PCDHGA6: variants seen among roughly 807,000 people sequenced by gnomAD.
The protein encoded by PCDHGA6 is protocadherin gamma subfamily A, 6, also known as protocadherin gamma-A6.
A neutral mutation model predicts 60.6 loss-of-function variants in PCDHGA6; 41 were observed. The observed-to-expected ratio is 0.68, with a 90% confidence interval of 0.53 to 0.88. PCDHGA6 has a LOEUF of 0.88. Among genes scored for constraint, PCDHGA6 ranks in the 40% least tolerant of loss-of-function variants. The pLI is 0.00. For missense variants in PCDHGA6, 1,312 were observed against 1,203.0 expected (o/e 1.09, Z -1.34); for synonymous variants, 594 against 524.4 (o/e 1.13, Z -1.81).
rs374663576 is a variant in PCDHGA6, at chr5:141,489,905, G to T, written c.2425-4902G>T. On this transcript the variant is annotated intron_variant, in intron 1 of 3. Coordinates refer to ENST00000517434, the MANE Select transcript of PCDHGA6 (RefSeq NM_018919.3). The surrounding 1 kb of genome is among the most constrained non-coding windows in gnomAD (Gnocchi z 4.5). ...GCTGTGGATGGGGGGACCCCAGCCC[G>T]CTCAGGGACCACCCTTATCTCTGTC... The T allele has an allele frequency of 9.7e-5, 156 of 1,614,226 alleles. 3 individuals are homozygous for T. The South Asian group carries it at 1.6e-3, about 16-fold the overall frequency.
intron 3 of PCDHGA6, among the ~76,000 whole-genome samples, chr5:141,509,907 C>T (rs149338646): frequency 3.3e-5 from 5 of 152,182 alleles, no homozygotes; most frequent in South Asian, 2.1e-4. Context: ...TTCCAGCATG[C>T]GCTTAGGTAC....
At chr5:141,448,415 T>C (rs1286455437) in intron 1 of PCDHGA6, among the ~76,000 whole-genome samples, 2 of 152,158 alleles carry the variant, frequency 1.3e-5, no homozygotes, top group African/African-American at 2.4e-5. Context: ...ATCAAAACAA[T>C]ATACTATGTA....
intron 1 of PCDHGA6, chr5:141,403,850 G>T: frequency 6.2e-7 from 1 of 1,613,634 alleles, no homozygotes; most frequent in Non-Finnish European, 8.5e-7. Context: ...AAATACTGGG[G>T]AAATATCAAC....
At chr5:141,388,574 T>A (rs372294800) in intron 1 of PCDHGA6, 107 of 1,613,842 alleles carry the variant, frequency 6.6e-5, no homozygotes, top group Middle Eastern at 1.6e-4. Context: ...AGATACACGT[T>A]CTAGTGACTG....
chr5:141,464,483 C>G (rs192469583), intron 1 of PCDHGA6, among the ~76,000 whole-genome samples: 32 of 151,368 alleles, frequency 2.1e-4, no homozygotes, highest in African/African-American at 7.3e-4. Flanking sequence ...ATAATAAATT[C>G]CTAATAGTGT....
At chr5:141,408,396 A>G (rs764101918) in intron 1 of PCDHGA6, 18 of 1,614,020 alleles carry the variant, frequency 1.1e-5, no homozygotes, top group South Asian at 5.5e-5. Flanking sequence ...TCGGCTCGCA[A>G]GCTGCGAGTG....
chr5:141,414,348 G>A (rs1390188717), intron 1 of PCDHGA6: 1 of 1,613,818 alleles, frequency 6.2e-7, no homozygotes, highest in South Asian at 1.1e-5. Flanking sequence ...GTTCCATTTT[G>A]GCGTATCTAC....
intron 1 of PCDHGA6, chr5:141,423,620 C>T: frequency 6.2e-7 from 1 of 1,608,268 alleles, no homozygotes; most frequent in Middle Eastern, 1.7e-4. Context: ...GCTGAAGACT[C>T]AGCTATCATT....
intron 1 of PCDHGA6, chr5:141,383,490 G>A: frequency 6.2e-7 from 1 of 1,613,286 alleles, no homozygotes; most frequent in South Asian, 1.1e-5. Flanking sequence ...TGGTGCTGGA[G>A]CGGGTGCTGG....
chr5:141,403,189 G>A (rs1234686339), intron 1 of PCDHGA6: 2 of 1,613,860 alleles, frequency 1.2e-6, no homozygotes, highest in South Asian at 1.1e-5. Flanking sequence ...CTCTGAACCC[G>A]CGCAGCGGCA....
Position 141,375,346 on chromosome 5 carries a change from T to C in PCDHGA6, c.1263T>C (p.Thr421=). ...DREEVFLYNI[T]VTATDKGTPP... ...AAGAGGTATTCTTGTACAACATCAC[T>C]GTGACAGCCACGGACAAAGGAACAC... Residue 421 remains threonine, a synonymous_variant, in exon 1 of 4, where the codon ACT becomes ACC. Coordinates refer to ENST00000517434, the MANE Select transcript of PCDHGA6 (RefSeq NM_018919.3). The C allele has an allele frequency of 6.2e-7, 1 of 1,613,870 alleles. No homozygotes were observed.
At chr5:141,419,640 T>C (rs2096410171) in intron 1 of PCDHGA6, 2 of 1,612,532 alleles carry the variant, frequency 1.2e-6, no homozygotes. Context: ...GTGGTGGCCG[T>C]GGACGCGGAC....
intron 2 of PCDHGA6, among the ~76,000 whole-genome samples, chr5:141,502,944 A>G (rs1447378539): frequency 1.4e-5 from 2 of 145,406 alleles, no homozygotes; most frequent in Non-Finnish European, 1.5e-5. Context: ...CCTGGGTTCA[A>G]GCGATTCTCC....
At chr5:141,388,579 T>A (rs113550354) in intron 1 of PCDHGA6, 7 of 1,613,908 alleles carry the variant, frequency 4.3e-6, no homozygotes, top group Non-Finnish European at 5.1e-6. Flanking sequence ...CACGTTCTAG[T>A]GACTGATGCC....
intron 1 of PCDHGA6, among the ~76,000 whole-genome samples, chr5:141,463,844 G>A (rs545618795): frequency 1.3e-5 from 2 of 152,258 alleles, no homozygotes; most frequent in East Asian, 3.9e-4. Context: ...AGTTGTTATA[G>A]TGGTATATCT....
intron 1 of PCDHGA6, chr5:141,403,680 C>A: frequency 6.2e-7 from 1 of 1,613,846 alleles, no homozygotes; most frequent in Non-Finnish European, 8.5e-7. Context: ...CCGGTTTTTG[C>A]TCAACGGATT....
chr5:141,507,202 C>G (rs2099859138), intron 3 of PCDHGA6: 1 of 152,356 alleles, frequency 6.6e-6, no homozygotes, highest in Non-Finnish European at 1.5e-5. Flanking sequence ...TCTTCCAGAT[C>G]AGGGTTGCCA....
At position 141,490,753 on chromosome 5, in the gene PCDHGA6, T is replaced by C; in HGVS notation, c.2425-4054T>C. ...TCAGGTTCAGGGAGCCCCAGCCTCC[T>C]CCTTTGTGTATGTCAACCCAGAGGA... On this transcript the variant is annotated intron_variant, in intron 1 of 3. Transcript: ENST00000517434. This position sits in a 1 kb window ranked among gnomAD's most constrained non-coding sequence, Gnocchi z 5.4. 1 of 1,614,184 alleles carries C rather than the reference T, an allele frequency of 6.2e-7. No individual in the cohort carries two copies. The highest frequency in any genetic ancestry group is 8.5e-7 in the Non-Finnish European group (1 of 1,180,024).
In PCDHGA6 at chr5:141,491,144, TGGA is replaced by T. The variant is rs757881044; in HGVS notation, c.2425-3659_2425-3657del. ...GAGGTGCGCACAGCCCGGGCCTTAC[TGGA>T]GGATGACTCTGACACCCAGCAGGTG... On this transcript the variant is annotated intron_variant, in intron 1 of 3. Coordinates refer to ENST00000517434, the MANE Select transcript of PCDHGA6 (RefSeq NM_018919.3). This position sits in a 1 kb window ranked among gnomAD's most constrained non-coding sequence, Gnocchi z 6.9. The T allele has an allele frequency of 1.2e-6, 2 of 1,614,158 alleles. No individual in the cohort carries two copies. The highest frequency in any genetic ancestry group is 2.2e-5 in the South Asian group (2 of 91,086).
Sources: gnomAD v4.1 joint callset for allele counts (sites outside exome capture counted in the v4.1 genomes callset) on GRCh38, gnomAD v4.1.1 for gene constraint, Gnocchi (gnomAD v3.1) non-coding constraint, MANE v1.5 for transcripts, NCBI Gene and HGNC (gene_info 2026-07-23, HGNC 2026-07-21) for gene names.